Variants in CWF19L1 observed in about 807,000 individuals in gnomAD.
CWF19L1 encodes the protein CWF19-like protein 1.
Under a neutral mutation model 69.7 loss-of-function variants are expected in CWF19L1, and 60 were observed. That is an observed-to-expected ratio of 0.86 (90% CI 0.70 to 1.07). The LOEUF is 1.07. Ranked by LOEUF, CWF19L1 falls within the 50% of genes least tolerant of loss-of-function variation. CWF19L1 has a pLI of 0.00. For missense variants in CWF19L1, 591 were observed against 638.9 expected, an observed-to-expected ratio of 0.92 and a Z score of 0.81; for synonymous variants, 209 against 222.2, an observed-to-expected ratio of 0.94 and a Z score of 0.53.
chr10:100,234,765 T>C (rs1214611807), intron 13 of CWF19L1, among the ~76,000 whole-genome samples: 2 of 152,232 alleles, frequency 1.3e-5, no homozygotes, highest in Non-Finnish European at 2.9e-5. Flanking sequence ...TGTATCTTCT[T>C]GCCAGCAACT....
At chr10:100,234,869 C>G (rs924884010) in intron 13 of CWF19L1, among the ~76,000 whole-genome samples, 77 of 152,188 alleles carry the variant, frequency 5.1e-4, no homozygotes, top group African/African-American at 1.8e-3. Context: ...GAAGCCTCCT[C>G]TAGGCCTTTA....
chr10:100,236,050 T>C (rs1846423175), intron 12 of CWF19L1, among the ~76,000 whole-genome samples: 1 of 151,732 alleles, frequency 6.6e-6, no homozygotes, highest in Non-Finnish European at 1.5e-5. Context: ...GCCCTGTTCA[T>C]CTCCAGTCTA....
In CWF19L1 at chr10:100,267,619, T is replaced by G. The variant is rs565798516; in HGVS notation, c.-26A>C. 1.2e-6 allele frequency: 2 copies of G among 1,614,152 alleles called. No homozygotes were observed. The highest frequency in any genetic ancestry group is 2.2e-5 in the East Asian group (1 of 44,884). On this transcript the variant is annotated 5_prime_UTR_variant, in exon 1 of 14. Transcript: ENST00000354105. ...CTGTCCGAATAGTATGGGTTGCGAC[T>G]GCCACCTAAAATTGGGAATGCGAAT...
chr10:100,262,811 G>C (rs1424865286), intron 1 of CWF19L1, among the ~76,000 whole-genome samples: 1 of 151,978 alleles, frequency 6.6e-6, no homozygotes, highest in Non-Finnish European at 1.5e-5. Flanking sequence ...GATTTATGTG[G>C]TTTTTCCACG....
chr10:100,251,505 CT>C (rs1208146959), intron 6 of CWF19L1, among the ~76,000 whole-genome samples: 3,098 of 88,344 alleles, frequency 0.035, 12 homozygotes, highest in African/African-American at 0.076. Flanking sequence ...GTCTATTGGC[CT>C]TTTTTTTTTT....
chr10:100,242,369 A>G (rs920909497), intron 10 of CWF19L1, among the ~76,000 whole-genome samples: 1 of 152,170 alleles, frequency 6.6e-6, no homozygotes, highest in East Asian at 1.9e-4. Flanking sequence ...CCAGCATTAC[A>G]TAATTCCAGA....
Position 100,233,103 on chromosome 10 carries a change from A to T in CWF19L1, c.*124T>A. ...GTTGAGGCTACAGTGAGCCACAGTT[A>T]TGCCACTGCAATCCTGCTTGGGTGA... On this transcript the variant is annotated 3_prime_UTR_variant, in exon 14 of 14. Coordinates refer to ENST00000354105, the MANE Select transcript of CWF19L1 (RefSeq NM_018294.6). 2.1e-6 allele frequency: 2 copies of T among 969,116 alleles called. No individual in the cohort carries two copies. Among genetic ancestry groups the T allele is most frequent in the Non-Finnish European group, 2.9e-6 (2 of 681,144 alleles). The allele number at this position is 969,116 out of a possible 1,614,324, so 60.0% of individuals were successfully genotyped here. A position where few individuals can be genotyped will look rare whatever the true frequency, so the allele number is the denominator to read the frequency against.
At chr10:100,242,921 G>A (rs7912400) in intron 10 of CWF19L1, among the ~76,000 whole-genome samples, 11,421 of 151,448 alleles carry the variant, frequency 0.075, 584 homozygotes, top group African/African-American at 0.14. Flanking sequence ...ACCTATTTAT[G>A]AGAGAGGAAA....
rs577112601 is a variant in CWF19L1, at chr10:100,263,568, G to A, written c.24-1505C>T. The stretch of plus-strand genomic sequence containing the variant: ...TTACCAATTTCTAGTGTTCCCATAG[G>A]AGCCTGCATTTCTTCCATCACAGCA... On this transcript the variant is annotated intron_variant, in intron 1 of 13. Coordinates refer to ENST00000354105, the MANE Select transcript of CWF19L1 (RefSeq NM_018294.6). Among the ~76,000 whole-genome samples, 77 of 152,264 alleles carry A rather than the reference G, an allele frequency of 5.1e-4. 1 individual carries two copies. The South Asian group carries it at 0.014, about 28-fold the overall frequency.
chr10:100,252,536 A>T (rs1847073759), intron 6 of CWF19L1, among the ~76,000 whole-genome samples: 1 of 143,962 alleles, frequency 6.9e-6, no homozygotes, highest in African/African-American at 2.5e-5. Context: ...AAAAAAAATA[A>T]AAAAAAATAT....
At chr10:100,241,763 C>T (rs369028870) in intron 10 of CWF19L1, among the ~76,000 whole-genome samples, 175 of 152,290 alleles carry the variant, frequency 1.1e-3, no homozygotes, top group African/African-American at 4.0e-3. Context: ...GGGACCTGAA[C>T]TCACTTTAAC....
intron 3 of CWF19L1, 145 bp downstream of exon 3, chr10:100,260,821 T>C (rs1423721813): frequency 1.3e-5 from 8 of 604,348 alleles, no homozygotes; most frequent in Admixed American, 3.0e-5. Flanking sequence ...CTGCGCCGGA[T>C]AGTCTTAATA....
rs781367283 is a variant in CWF19L1 at position 100,238,047 on chromosome 10, T to C, written c.1229A>G (p.Tyr410Cys). 3.1e-6 allele frequency: 5 copies of C among 1,614,222 alleles called. No individual in the cohort carries two copies. Among genetic ancestry groups the C allele is most frequent in the South Asian group, 1.1e-5 (1 of 91,088 alleles). The part of the protein sequence containing the change: ...GKWCVVFERN[Y>C]KSHHLQLQVI... Reference sequence around the variant, plus strand: ...CTGTAGCTGGAGGTGATGGCTCTTATAATTTCTCTCAAATACAACACACCA... The same window carrying C: ...CTGTAGCTGGAGGTGATGGCTCTTACAATTTCTCTCAAATACAACACACCA... The change falls in exon 11 of 14, where the codon TAT becomes TGT. Residue 410 changes from tyrosine to cysteine, a missense_variant. Coordinates refer to ENST00000354105, the MANE Select transcript of CWF19L1 (RefSeq NM_018294.6).
intron 10 of CWF19L1, among the ~76,000 whole-genome samples, chr10:100,238,881 G>A (rs930589413): frequency 4.8e-5 from 7 of 145,852 alleles, no homozygotes; most frequent in Non-Finnish European, 1.0e-4. Flanking sequence ...GCAGTGAGCC[G>A]AGATCGCGCC....
At chr10:100,238,345 A>T in intron 10 of CWF19L1, 114 bp from the exon 11 acceptor site, 1 of 819,146 alleles carries the variant, frequency 1.2e-6, no homozygotes, top group Non-Finnish European at 1.9e-6. Context: ...ACTTGAGGTT[A>T]TTAATAAAAA....
At chr10:100,266,189 A>ATT (rs67759652) in intron 1 of CWF19L1, among the ~76,000 whole-genome samples, 20 of 134,146 alleles carry the variant, frequency 1.5e-4, no homozygotes, top group East Asian at 6.4e-4. Context: ...CACTATTGCA[A>ATT]TTTTTTTTTT....
intron 5 of CWF19L1, among the ~76,000 whole-genome samples, chr10:100,256,015 A>C (rs564012263): frequency 2.6e-5 from 4 of 152,292 alleles, no homozygotes; most frequent in African/African-American, 9.6e-5. Flanking sequence ...GAAGCAGAGA[A>C]TATAAAAAAC....
intron 4 of CWF19L1, among the ~76,000 whole-genome samples, chr10:100,258,120 C>A (rs573232930): frequency 6.6e-6 from 1 of 152,224 alleles, no homozygotes; most frequent in East Asian, 1.9e-4. Flanking sequence ...CACCCGTAAC[C>A]CCAGCTACTC....
intron 7 of CWF19L1, chr10:100,248,569 C>T (rs960356521): frequency 3.7e-5 from 27 of 729,644 alleles, no homozygotes; most frequent in African/African-American, 3.4e-4. Flanking sequence ...CCAGCTTCCT[C>T]GCATCTTGAC....
Sources: allele counts gnomAD v4.1 joint callset (sites outside exome capture counted in the v4.1 genomes callset), GRCh38; gene constraint gnomAD v4.1.1; transcripts MANE v1.5; gene names NCBI Gene and HGNC (gene_info 2026-07-23, HGNC 2026-07-21).